Variants in PARD3 observed in about 807,000 individuals in gnomAD.
PARD3 encodes the protein par-3 family cell polarity regulator.
PARD3 carries 75 observed loss-of-function variants against 155.4 expected under a neutral mutation model. That is an observed-to-expected ratio of 0.48 (90% CI 0.40 to 0.58). The LOEUF is 0.58. Among genes scored for constraint, PARD3 ranks in the 20% least tolerant of loss-of-function variants. PARD3 has a pLI of 0.00. For synonymous variants in PARD3, 576 were observed against 610.5 expected (o/e 0.94, Z 0.83); for missense variants, 1,642 against 1,721.7 (o/e 0.95, Z 0.82).
At chr10:34,242,416 A>G (rs938949487) in intron 22 of PARD3, among the ~76,000 whole-genome samples, 2 of 151,864 alleles carry the variant, frequency 1.3e-5, no homozygotes, top group Non-Finnish European at 2.9e-5. Context: ...AAAAGGAAAG[A>G]CGATGGTAGG....
chr10:34,714,579 C>T (rs995962529), intron 1 of PARD3, among the ~76,000 whole-genome samples: 6 of 152,054 alleles, frequency 3.9e-5, no homozygotes, highest in South Asian at 2.1e-4. Context: ...GATCTAAGGA[C>T]GGAGGGGCCT....
At chr10:34,326,038 G>A (rs564109509) in intron 19 of PARD3, among the ~76,000 whole-genome samples, 50 of 151,040 alleles carry the variant, frequency 3.3e-4, no homozygotes, top group Non-Finnish European at 5.6e-4. Context: ...GGAGAATTGC[G>A]TGAACCAGGA....
intron 1 of PARD3, among the ~76,000 whole-genome samples, chr10:34,730,496 A>G (rs2094797561): frequency 6.6e-6 from 1 of 152,228 alleles, no homozygotes; most frequent in African/African-American, 2.4e-5. Flanking sequence ...CAGTCTTCAA[A>G]ATATACTCCA....
chr10:34,192,129 G>A (rs1407032384), intron 22 of PARD3, among the ~76,000 whole-genome samples: 1 of 151,914 alleles, frequency 6.6e-6, no homozygotes, highest in African/African-American at 2.4e-5. Flanking sequence ...ACCCTGGCTG[G>A]AGTGCCCGGC....
intron 22 of PARD3, among the ~76,000 whole-genome samples, chr10:34,200,705 G>A (rs893989972): frequency 2.0e-5 from 3 of 152,236 alleles, no homozygotes; most frequent in African/African-American, 7.2e-5. Flanking sequence ...CGTGACAACA[G>A]GAAAAGGAGG....
intron 2 of PARD3, among the ~76,000 whole-genome samples, chr10:34,580,950 T>C (rs553812376): frequency 1.3e-5 from 2 of 152,340 alleles, no homozygotes; most frequent in Admixed American, 1.3e-4. Context: ...TCTAACACAT[T>C]AATCATTTAA....
At chr10:34,479,404 G>T (rs773998) in intron 3 of PARD3, among the ~76,000 whole-genome samples, 1 of 151,690 alleles carries the variant, frequency 6.6e-6, no homozygotes, top group African/African-American at 2.4e-5. Flanking sequence ...CTCATGATCC[G>T]CCCACCTCGG....
chr10:34,135,369 G>C (rs1177525211), intron 22 of PARD3, among the ~76,000 whole-genome samples: 1 of 152,186 alleles, frequency 6.6e-6, no homozygotes, highest in Non-Finnish European at 1.5e-5. Context: ...CTGGGTTTTG[G>C]TTTTTGTTGT....
intron 22 of PARD3, among the ~76,000 whole-genome samples, chr10:34,211,519 C>G (rs866666959): frequency 6.6e-6 from 1 of 152,202 alleles, no homozygotes; most frequent in East Asian, 1.9e-4. Flanking sequence ...TGATGTTTCA[C>G]GCCTGTCATC....
intron 2 of PARD3, among the ~76,000 whole-genome samples, chr10:34,631,908 C>A (rs2092288047): frequency 6.6e-6 from 1 of 152,154 alleles, no homozygotes; most frequent in South Asian, 2.1e-4. Flanking sequence ...CCGCTGAGGT[C>A]TTAATAGGTG....
At position 34,815,011 on chromosome 10, in the gene PARD3, G is replaced by GGCGGGCCCGCGCCCCTCGCCGAGC; in HGVS notation, c.-40_-17dup. On this transcript the variant is annotated 5_prime_UTR_variant, in exon 1 of 25. Transcript: ENST00000374788. ...TCACTTTCATGCCGCCGCCGCCGCG[G>GGCGGGCCCGCGCCCCTCGCCGAGC]GCGGGCCCGCGCCCCTCGCCGAGCG... is the stretch of plus-strand genomic sequence containing the variant. The GGCGGGCCCGCGCCCCTCGCCGAGC allele has an allele frequency of 6.9e-7, 1 of 1,445,652 alleles. No homozygotes were observed. Among genetic ancestry groups the GGCGGGCCCGCGCCCCTCGCCGAGC allele is most frequent in the Non-Finnish European group, 9.1e-7 (1 of 1,094,644 alleles). 89.6% of individuals were successfully genotyped at this position (1,445,652 alleles called of 1,614,324 possible).
At chr10:34,751,052 A>G (rs1407575138) in intron 1 of PARD3, among the ~76,000 whole-genome samples, 1 of 152,096 alleles carries the variant, frequency 6.6e-6, no homozygotes, top group Non-Finnish European at 1.5e-5. Flanking sequence ...AGGCATAGAG[A>G]TCAGTTCAGG....
intron 2 of PARD3, among the ~76,000 whole-genome samples, chr10:34,520,054 T>C (rs1336770992): frequency 6.6e-6 from 1 of 152,094 alleles, no homozygotes; most frequent in African/African-American, 2.4e-5. Flanking sequence ...TCCAAGCTTT[T>C]TCAAGGCCAA....
chr10:34,709,850 T>C (rs1445261397), intron 1 of PARD3, among the ~76,000 whole-genome samples: 1 of 152,208 alleles, frequency 6.6e-6, no homozygotes, highest in East Asian at 1.9e-4. Context: ...GTGCTTTGTA[T>C]GATTCTCTCA....
At position 34,787,322 on chromosome 10, in the gene PARD3, T is replaced by C. The variant is rs919531217; in HGVS notation, c.120+27554A>G. ...TGAACCCAGGAGGCGAAGGTTGCAGTGAGCCAAGATCGCGCCACTGCACTC... is the reference window on the plus strand; with the variant it reads ...TGAACCCAGGAGGCGAAGGTTGCAGCGAGCCAAGATCGCGCCACTGCACTC... On this transcript the variant is annotated intron_variant, in intron 1 of 24. Coordinates refer to ENST00000374788, the MANE Select transcript of PARD3 (RefSeq NM_001184785.2). Among the ~76,000 whole-genome samples the C allele has an allele frequency of 1.1e-4, 16 of 152,270 alleles. No individual in the cohort carries two copies. In the South Asian group the frequency reaches 1.5e-3, roughly 14 times the overall value.
At chr10:34,332,767 A>C (rs1417598361) in intron 18 of PARD3, among the ~76,000 whole-genome samples, 1 of 152,170 alleles carries the variant, frequency 6.6e-6, no homozygotes, top group African/African-American at 2.4e-5. Flanking sequence ...AGGTTTGTCT[A>C]TATTTCTTTA....
At chr10:34,675,298 GGTT>G (rs1383455909) in intron 2 of PARD3, among the ~76,000 whole-genome samples, 5 of 152,056 alleles carry the variant, frequency 3.3e-5, no homozygotes, top group East Asian at 1.9e-4. Context: ...TCTACATCTT[GGTT>G]GTTATTTTCT....
intron 19 of PARD3, among the ~76,000 whole-genome samples, chr10:34,323,638 T>C (rs1003937573): frequency 6.6e-6 from 1 of 152,102 alleles, no homozygotes; most frequent in African/African-American, 2.4e-5. Context: ...TTTTAAAGAG[T>C]TATTACCAAA....
chr10:34,356,122 C>T (rs950521928), intron 14 of PARD3, among the ~76,000 whole-genome samples: 1 of 151,974 alleles, frequency 6.6e-6, no homozygotes, highest in Non-Finnish European at 1.5e-5. Flanking sequence ...CCTGCAGATT[C>T]CTGGAAGGCT....
Sources: allele counts gnomAD v4.1 joint callset (sites outside exome capture counted in the v4.1 genomes callset), GRCh38; gene constraint gnomAD v4.1.1; transcripts MANE v1.5; gene names NCBI Gene and HGNC (gene_info 2026-07-23, HGNC 2026-07-21).